The following PREX1 variants were observed in gnomAD, a reference collection of about 807,000 sequenced individuals.
PREX1 encodes the protein phosphatidylinositol-3,4,5-trisphosphate dependent Rac exchange factor 1, also known as phosphatidylinositol 3,4,5-trisphosphate-dependent Rac exchanger 1 protein.
PREX1 carries 41 observed loss-of-function variants against 198.3 expected under a neutral mutation model. The observed-to-expected ratio is 0.21, with a 90% confidence interval of 0.16 to 0.27. The LOEUF is 0.27. Among genes scored for constraint, PREX1 ranks in the 10% least tolerant of loss-of-function variants. PREX1 has a pLI of 1.00. For synonymous variants in PREX1, 843 were observed against 887.2 expected, an observed-to-expected ratio of 0.95 and a Z score of 0.89; for missense variants, 1,620 against 2,200.7, an observed-to-expected ratio of 0.74 and a Z score of 5.28.
chr20:48,716,573 G>A lies in PREX1; in HGVS notation c.622-8152C>T, dbSNP rs2089963392. Among the ~76,000 whole-genome samples, 3 of 152,342 alleles carry A rather than the reference G, an allele frequency of 2.0e-5. 1 individual carries two copies. The South Asian group carries it at 6.2e-4, about 32-fold the overall frequency. On this transcript the variant is annotated intron_variant, in intron 5 of 39. Coordinates refer to ENST00000371941, the MANE Select transcript of PREX1 (RefSeq NM_020820.4). ...AACAAAGGGCTCAGAGGAAGAGGAG[G>A]TGGTAAGGAGAGAGGAGGATGAGCT...
At chr20:48,855,584 C>T in the PREX1 span, among the ~76,000 whole-genome samples, 3 of 152,090 alleles carry the variant, frequency 2.0e-5, no homozygotes, top group Non-Finnish European at 4.4e-5. Flanking sequence ...GCTGACACTC[C>T]GGCAGAGGAG....
intron 10 of PREX1, among the ~76,000 whole-genome samples, chr20:48,685,414 G>A (rs369862696): frequency 2.0e-5 from 3 of 152,226 alleles, no homozygotes; most frequent in African/African-American, 7.2e-5. Context: ...CAGCCAGTAC[G>A]ATTCCCACGA....
chr20:48,666,996 C>T lies in PREX1; in HGVS notation c.1666-641G>A, dbSNP rs992663247. ...CCTCATCCATCTCCAGCCTCCCTTG[C>T]AGCTACAGGTGGCCAATGAGCTATA... is the stretch of plus-strand genomic sequence containing the variant. On this transcript the variant is annotated intron_variant, in intron 14 of 39. Transcript: ENST00000371941. This position sits in a 1 kb window ranked among gnomAD's most constrained non-coding sequence, Gnocchi z 4.3. Among the ~76,000 whole-genome samples, 1 of 152,210 alleles carries T rather than the reference C, an allele frequency of 6.6e-6. No individual in the cohort carries two copies. Among genetic ancestry groups the T allele is most frequent in the African/African-American group, 2.4e-5 (1 of 41,458 alleles).
the PREX1 span, among the ~76,000 whole-genome samples, chr20:48,853,533 C>T: frequency 6.6e-6 from 1 of 152,180 alleles, no homozygotes; most frequent in Admixed American, 6.5e-5. Context: ...TCAATTACCT[C>T]CACCTGGTCC....
At chr20:48,711,874 C>CGAAA (rs771830330) in intron 5 of PREX1, among the ~76,000 whole-genome samples, 22 of 152,222 alleles carry the variant, frequency 1.4e-4, no homozygotes, top group Non-Finnish European at 2.6e-4. Flanking sequence ...TTCCCTTCTC[C>CGAAA]TTTCCCTCTT....
In PREX1 at chr20:48,678,379, G is replaced by A. The variant is rs571433437; in HGVS notation, c.1589+981C>T. 2.0e-5 allele frequency among the ~76,000 whole-genome samples: 3 copies of A among 152,104 alleles called. No homozygotes were observed. In the East Asian group the frequency reaches 5.8e-4, roughly 29 times the overall value. On this transcript the variant is annotated intron_variant, in intron 13 of 39. Transcript: ENST00000371941. ...CCAGCTACCTAGGAGGCTCAGGTGG[G>A]AGGACTGCCTGAGCCTGGAGGTTGA... is the stretch of plus-strand genomic sequence containing the variant.
chr20:48,649,537 G>A lies in PREX1; in HGVS notation c.3068C>T (p.Thr1023Ile), dbSNP rs376461777. The A allele has an allele frequency of 6.2e-6, 10 of 1,611,030 alleles. No homozygotes were observed. The highest frequency in any genetic ancestry group is 4.0e-5 in the African/African-American group (3 of 74,878). Residue 1023 changes from threonine to isoleucine, a missense_variant, in exon 25 of 40, where the codon ACC (threonine) becomes ATC (isoleucine). Thr to Ile is a moderately conservative substitution (Grantham distance 89). Transcript: ENST00000371941. ...CTTCCAGGAGGGAGCAGCCATGGTG[G>A]TGATGCAGTGCTGGGTGTACGACAT... ...NPMSYTQHCI[T>I]TMAAPSWKCL...
intron 1 of PREX1, among the ~76,000 whole-genome samples, chr20:48,825,537 A>C (rs2123089515): frequency 6.6e-6 from 1 of 152,242 alleles, no homozygotes; most frequent in South Asian, 2.1e-4. Flanking sequence ...GGTTGGCTCC[A>C]ATCAATTTCC....
At chr20:48,636,934 A>C (rs2089369825) in intron 31 of PREX1, among the ~76,000 whole-genome samples, 1 of 152,188 alleles carries the variant, frequency 6.6e-6, no homozygotes. Context: ...TGAAAACCAA[A>C]CAAACAAACA....
chr20:48,786,817 A>AAAAG lies in PREX1; in HGVS notation c.220-38941_220-38938dup, dbSNP rs1555845309. ...GAAAAGAAAGAGAAGGAAGGAAAGA[A>AAAAG]AAAGAGAGAGAGAGAAAGAAAGAAA... On this transcript the variant is annotated intron_variant, in intron 1 of 39. Transcript: ENST00000371941. Among the ~76,000 whole-genome samples the AAAAG allele has an allele frequency of 1.3e-3, 183 of 140,198 alleles. 2 individuals are homozygous for AAAAG. Among genetic ancestry groups the AAAAG allele is most frequent in the African/African-American group, 4.6e-3 (178 of 39,022 alleles). 92.0% of individuals were successfully genotyped at this position (140,198 alleles called of 152,430 possible). A position where few individuals can be genotyped will look rare whatever the true frequency, so the allele number is the denominator to read the frequency against.
In PREX1 at chr20:48,684,041, G is replaced by A. The variant is rs1601074400; in HGVS notation, c.1335-2706C>T. 6.6e-6 allele frequency among the ~76,000 whole-genome samples: 1 copy of A among 152,162 alleles called. No homozygotes were observed. Among genetic ancestry groups the A allele is most frequent in the African/African-American group, 2.4e-5 (1 of 41,432 alleles). On this transcript the variant is annotated intron_variant, in intron 10 of 39. Coordinates refer to ENST00000371941, the MANE Select transcript of PREX1 (RefSeq NM_020820.4). This position sits in a 1 kb window ranked among gnomAD's most constrained non-coding sequence, Gnocchi z 4.2. ...GTGAGGAGAGCTGGAGATACAAGGA[G>A]AAGGCAATCTAGCTTGATGGGCAGT... is the stretch of plus-strand genomic sequence containing the variant.
Position 48,629,585 on chromosome 20 carries a change from G to A in PREX1, c.4630C>T (p.Arg1544Cys), listed in dbSNP as rs763732577. 3.1e-6 allele frequency: 5 copies of A among 1,614,002 alleles called. No homozygotes were observed. The highest frequency in any genetic ancestry group is 1.7e-5 in the Admixed American group (1 of 60,002). ...GGGTGGACAAAGGACTTCATGAGGC[G>A]GCAGAGCTCATCCAGGGCATTGATG... ...RPINALDELCRLMKSFVHPKP... is the reference protein window; with the variant it reads ...RPINALDELCCLMKSFVHPKP... Residue 1544 changes from arginine (R) to cysteine (C), a missense_variant, in exon 37 of 40, where the codon CGC (arginine) becomes TGC (cysteine). By Grantham distance (180) the Arg-to-Cys change is radical (BLOSUM62 -3). Coordinates refer to ENST00000371941, the MANE Select transcript of PREX1 (RefSeq NM_020820.4).
intron 17 of PREX1, 54 bp downstream of exon 17, chr20:48,658,082 C>T (rs1420086261): frequency 6.5e-7 from 1 of 1,542,882 alleles, no homozygotes; most frequent in African/African-American, 1.4e-5. Flanking sequence ...TGAAGAGAGA[C>T]ACCCCGCTCT....
At chr20:48,697,085 G>C in intron 7 of PREX1, among the ~76,000 whole-genome samples, 1 of 152,146 alleles carries the variant, frequency 6.6e-6, no homozygotes, top group East Asian at 1.9e-4. Flanking sequence ...CCAAGGGGCA[G>C]AAGTTAAGAC....
chr20:48,860,169 A>G, the PREX1 span, among the ~76,000 whole-genome samples: 7 of 152,278 alleles, frequency 4.6e-5, no homozygotes, highest in Non-Finnish European at 7.3e-5. Flanking sequence ...TGTGGCATCT[A>G]CATGCAGTGA....
intron 18 of PREX1, 114 bp from the exon 19 acceptor site, chr20:48,655,489 G>T: frequency 1.1e-6 from 1 of 884,388 alleles, no homozygotes; most frequent in Non-Finnish European, 1.7e-6. Context: ...GGAAAATTCA[G>T]CCCAAAATAG....
At chr20:48,686,141 C>T (rs1401863106) in intron 10 of PREX1, among the ~76,000 whole-genome samples, 1 of 152,004 alleles carries the variant, frequency 6.6e-6, no homozygotes, top group Non-Finnish European at 1.5e-5. Flanking sequence ...GACTGTTTCA[C>T]GGTGTTGTGT....
chr20:48,732,194 G>A (rs2090037465), intron 4 of PREX1, among the ~76,000 whole-genome samples: 1 of 152,226 alleles, frequency 6.6e-6, no homozygotes, highest in Non-Finnish European at 1.5e-5. Context: ...CAACAGTCCT[G>A]AAAGCTTAAT....
At chr20:48,733,430 C>T (rs1425283348) in intron 4 of PREX1, among the ~76,000 whole-genome samples, 1 of 152,196 alleles carries the variant, frequency 6.6e-6, no homozygotes, top group African/African-American at 2.4e-5. Context: ...CAACGAGCAT[C>T]AGACCTAGGA....
Sources: allele counts gnomAD v4.1 joint callset (sites outside exome capture counted in the v4.1 genomes callset), GRCh38; gene constraint gnomAD v4.1.1; non-coding constraint Gnocchi (gnomAD v3.1); transcripts MANE v1.5; gene names NCBI Gene and HGNC (gene_info 2026-07-23, HGNC 2026-07-21).